CCDC180: variants seen among roughly 807,000 people sequenced by gnomAD.
The protein encoded by CCDC180 is coiled-coil domain-containing protein 180.
A neutral mutation model predicts 209.2 loss-of-function variants in CCDC180; 154 were observed. The observed-to-expected ratio is 0.74, with a 90% confidence interval of 0.65 to 0.84. CCDC180 has a LOEUF of 0.84. Among genes scored for constraint, CCDC180 ranks in the 40% least tolerant of loss-of-function variants. The pLI is 0.00. For synonymous variants in CCDC180, 778 were observed against 749.1 expected (o/e 1.04, Z -0.63); for missense variants, 1,874 against 1,997.3 (o/e 0.94, Z 1.18).
rs374762441 is a variant in CCDC180 at position 97,318,521 on chromosome 9, G to C, written c.1018G>C (p.Val340Leu). 2.4e-5 allele frequency: 38 copies of C among 1,613,822 alleles called. No individual in the cohort carries two copies. The African/African-American group carries it at 4.9e-4, about 21-fold the overall frequency. The change falls in exon 10 of 37, where the codon GTC (valine) becomes CTC (leucine). Residue 340 changes from valine to leucine, a missense_variant. Coordinates refer to ENST00000529487, the MANE Select transcript of CCDC180 (RefSeq NM_020893.6). ...TPPAVTKELE[V>L]MLKTQNVLQQ... is the part of the protein sequence containing the mutation. ...CCCGGCTGTGACGAAGGAGCTAGAG[G>C]TCATGCTGAAGACCCAGAACGTCCT... is the stretch of plus-strand genomic sequence containing the variant.
chr9:97,309,912 A>T (rs1262973420), intron 3 of CCDC180, among the ~76,000 whole-genome samples: 1 of 152,196 alleles, frequency 6.6e-6, no homozygotes, highest in Non-Finnish European at 1.5e-5. Flanking sequence ...AAAAGCTCTG[A>T]TTAAGGGGAT....
At chr9:97,307,595 G>T, upstream of CCDC180, 1 of 736,706 alleles carries the variant, frequency 1.4e-6, no homozygotes, top group Non-Finnish European at 2.4e-6. Context: ...CCCATGGAGG[G>T]TGGATTAGGG....
rs771252841 is a variant in CCDC180, at chr9:97,354,713, G to T, written c.3147G>T (p.Gln1049His). 6.2e-7 allele frequency: 1 copy of T among 1,614,220 alleles called. No individual in the cohort carries two copies. ...MEKLENEYLD[Q>H]ANDVINKFES... Reference sequence around the variant, plus strand: ...AGTTGGAGAATGAGTACCTGGACCAGGTAGGGCCCCCAGCCAGGCCCCAGG... The same window carrying T: ...AGTTGGAGAATGAGTACCTGGACCATGTAGGGCCCCCAGCCAGGCCCCAGG... Residue 1049 changes from glutamine (Q) to histidine (H), a missense_variant and splice_region_variant, in exon 23 of 37, where the codon CAG becomes CAT. Gln to His is a conservative substitution (Grantham distance 24). Coordinates refer to ENST00000529487, the MANE Select transcript of CCDC180 (RefSeq NM_020893.6).
chr9:97,370,089 G>GC lies in CCDC180; in HGVS notation c.4350+11dup. On this transcript the variant is annotated splice_region_variant and intron_variant, in intron 32 of 36. Transcript: ENST00000529487. ...GCGGCTGGAGAAAAGAAAGGTGAGGGCCCCAGGACCAGCCCTTCCACTCTA... is the reference window on the plus strand; with the variant it reads ...GCGGCTGGAGAAAAGAAAGGTGAGGGCCCCCAGGACCAGCCCTTCCACTCTA... The GC allele has an allele frequency of 6.2e-7, 1 of 1,612,992 alleles. No individual in the cohort carries two copies. Among genetic ancestry groups the GC allele is most frequent in the Non-Finnish European group, 8.5e-7 (1 of 1,179,606 alleles).
At chr9:97,321,725 C>T (rs1198369539) in intron 11 of CCDC180, among the ~76,000 whole-genome samples, 4 of 152,160 alleles carry the variant, frequency 2.6e-5, no homozygotes, top group Admixed American at 6.5e-5. Flanking sequence ...AACAGGTCCC[C>T]AGCCATGGGA....
rs749177071 is a variant in CCDC180, at chr9:97,370,047, T to A, written c.4315T>A (p.Phe1439Ile). The A allele has an allele frequency of 6.2e-7, 1 of 1,613,966 alleles. No homozygotes were observed. Among genetic ancestry groups the A allele is most frequent in the Non-Finnish European group, 8.5e-7 (1 of 1,179,980 alleles). ...CTCTGTGAAGGAGATCCGAGGACAG[T>A]TCGAGGAACAGCAGAAGCGGCTGGA... ...FTSVKEIRGQ[F>I]EEQQKRLEKR... is the part of the protein sequence containing the mutation. The change falls in exon 32 of 37, where the codon TTC becomes ATC. Residue 1439 changes from phenylalanine (F) to isoleucine (I), a missense_variant. Phe to Ile is a conservative substitution (Grantham distance 21). Coordinates refer to ENST00000529487, the MANE Select transcript of CCDC180 (RefSeq NM_020893.6).
chr9:97,372,509 G>A (rs975818146), intron 34 of CCDC180: 2 of 152,162 alleles, frequency 1.3e-5, no homozygotes, highest in African/African-American at 4.8e-5. Flanking sequence ...GTTCAAAAAT[G>A]TTCACAGCAC....
At chr9:97,310,028 C>T (rs975503164) in intron 3 of CCDC180, among the ~76,000 whole-genome samples, 1 of 152,198 alleles carries the variant, frequency 6.6e-6, no homozygotes, top group Non-Finnish European at 1.5e-5. Flanking sequence ...TCTTGGCCCC[C>T]TCCTGAAGGC....
Position 97,375,578 on chromosome 9 carries a change from G to A in CCDC180, c.4831G>A (p.Ala1611Thr), listed in dbSNP as rs943162802. Reference protein sequence around the residue: ...GHLAAVEARDAVYLKYLASFE... With the variant: ...GHLAAVEARDTVYLKYLASFE... ...CCTGGCGGCCGTGGAAGCCCGAGATGCTGTGTACCTGGTGAGACAGGGTGG... is the reference window on the plus strand; with the variant it reads ...CCTGGCGGCCGTGGAAGCCCGAGATACTGTGTACCTGGTGAGACAGGGTGG... The change falls in exon 36 of 37, where the codon GCT (alanine) becomes ACT (threonine). Residue 1611 changes from alanine to threonine, a missense_variant. By Grantham distance (58) the Ala-to-Thr change is moderately conservative. Transcript: ENST00000529487. 9.9e-6 allele frequency: 16 copies of A among 1,614,140 alleles called. No individual in the cohort carries two copies. The highest frequency in any genetic ancestry group is 3.3e-5 in the Admixed American group (2 of 60,016).
Position 97,361,955 on chromosome 9 carries a change from C to T in CCDC180, c.3656+57C>T, listed in dbSNP as rs562135439. On this transcript the variant is annotated intron_variant, in intron 27 of 36. Transcript: ENST00000529487. ...GCCACCCCTGCCCCTGGCCCTGGAC[C>T]TTCAGGGACCAGCTTTGGGGCCCCA... 3 of 1,573,808 alleles carry T rather than the reference C, an allele frequency of 1.9e-6. No individual in the cohort carries two copies. In the South Asian group the frequency reaches 3.5e-5, roughly 18 times the overall value.
chr9:97,331,853 G>A (rs1825764113), intron 18 of CCDC180, among the ~76,000 whole-genome samples: 1 of 152,144 alleles, frequency 6.6e-6, no homozygotes, highest in Admixed American at 6.5e-5. Flanking sequence ...TAGGTTGTCT[G>A]TTTACTCTGT....
upstream of CCDC180, chr9:97,307,366 TG>T (rs765236925): frequency 2.0e-6 from 1 of 497,722 alleles, no homozygotes; most frequent in South Asian, 1.5e-5. Flanking sequence ...CTGGCTGCCT[TG>T]AGAGGTGCTT....
At position 97,314,491 on chromosome 9, in the gene CCDC180, TG is replaced by T; in HGVS notation, c.559del (p.Asp187ThrfsTer48). On this transcript the variant is annotated frameshift_variant, in exon 6 of 37. Coordinates refer to ENST00000529487, the MANE Select transcript of CCDC180 (RefSeq NM_020893.6). LOFTEE classifies it high-confidence loss of function. Reference protein sequence around the residue: ...MNRLFLKVENDTNLEDYTIQA... With the variant: ...MNRLFLKVENXTNLEDYTIQA... ...ACCGTCTCTTCCTAAAGGTGGAAAA[TG>T]ACACCAACCTTGAGGACTACACCAT... is the stretch of plus-strand genomic sequence containing the variant. The T allele has an allele frequency of 2.5e-6, 4 of 1,614,090 alleles. No individual in the cohort carries two copies. Among genetic ancestry groups the T allele is most frequent in the Non-Finnish European group, 3.4e-6 (4 of 1,180,012 alleles).
chr9:97,320,019 G>A lies in CCDC180; in HGVS notation c.1080-107G>A, dbSNP rs1258841117. ...CCAGCAGTTCCCTTTGTTCTTCAGT[G>A]TTTAAATCCATGATTTTCTGGAGCT... On this transcript the variant is annotated intron_variant, in intron 10 of 36. Transcript: ENST00000529487. The A allele has an allele frequency of 5.7e-6, 5 of 877,422 alleles. No individual in the cohort carries two copies. In the African/African-American group the frequency reaches 8.2e-5, roughly 14 times the overall value. 54.4% of individuals were successfully genotyped at this position (877,422 alleles called of 1,614,324 possible). A position where few individuals can be genotyped will look rare whatever the true frequency, so the allele number is the denominator to read the frequency against.
At chr9:97,373,613 A>G (rs1452621536) in intron 34 of CCDC180, 2 of 152,354 alleles carry the variant, frequency 1.3e-5, no homozygotes, top group Admixed American at 6.5e-5. Flanking sequence ...GCTGCACACC[A>G]TAATGTAATA....
At chr9:97,369,343 C>G (rs1426023902) in intron 31 of CCDC180, 1 of 152,168 alleles carries the variant, frequency 6.6e-6, no homozygotes, top group Non-Finnish European at 1.5e-5. Flanking sequence ...TGCCAAGAGA[C>G]ACAGTGCATT....
chr9:97,364,304 A>G, intron 29 of CCDC180, 176 bp downstream of exon 29: 2 of 549,358 alleles, frequency 3.6e-6, no homozygotes, highest in Non-Finnish European at 6.3e-6. Context: ...TTTCACCTAA[A>G]TTTGTTGAGA....
chr9:97,342,107 A>T lies in CCDC180; in HGVS notation c.2275-1233A>T, dbSNP rs1034324890. Reference sequence around the variant, plus strand: ...TGGCTTCCCTTGGCTAGGAAAGGGAAATCCCCCGACCCCTTGCGCTTCCCG... The same window carrying T: ...TGGCTTCCCTTGGCTAGGAAAGGGATATCCCCCGACCCCTTGCGCTTCCCG... On this transcript the variant is annotated intron_variant, in intron 18 of 36. Coordinates refer to ENST00000529487, the MANE Select transcript of CCDC180 (RefSeq NM_020893.6). 8.5e-5 allele frequency among the ~76,000 whole-genome samples: 13 copies of T among 152,188 alleles called. 1 individual carries two copies. Among genetic ancestry groups the T allele is most frequent in the Non-Finnish European group, 7.3e-5 (5 of 68,028 alleles).
chr9:97,362,111 A>G (rs1476288391), intron 27 of CCDC180, 85 bp from the exon 28 acceptor site: 10 of 1,527,742 alleles, frequency 6.5e-6, no homozygotes, highest in Non-Finnish European at 8.9e-6. Flanking sequence ...GGCGCTGAGG[A>G]CTAACTGGGA....
Sources: gnomAD v4.1 joint callset for allele counts (sites outside exome capture counted in the v4.1 genomes callset) on GRCh38, gnomAD v4.1.1 for gene constraint, MANE v1.5 for transcripts, NCBI Gene and HGNC (gene_info 2026-07-23, HGNC 2026-07-21) for gene names.